ZNF487: variants seen among roughly 807,000 people sequenced by gnomAD.
ZNF487 encodes zinc finger protein 487, also known as KRAB domain only 1.
A neutral mutation model predicts 3.0 loss-of-function variants in ZNF487; 4 were observed. That is an observed-to-expected ratio of 1.35 (90% confidence interval 0.66 to 3.08). The LOEUF (loss-of-function observed/expected upper bound fraction) is 3.08, where lower values mean the gene tolerates loss of function less well. Among genes scored for constraint, ZNF487 ranks in the 30% most tolerant of loss-of-function variants. The pLI is 0.01. For synonymous variants in ZNF487, 55 were observed against 34.6 expected, an observed-to-expected ratio of 1.59 and a Z score of -2.06; for missense variants, 146 against 98.7, an observed-to-expected ratio of 1.48 and a Z score of -2.03.
At chr10:43,459,768 T>TTTATTATTATTATTATTA in intron 1 of ZNF487, among the ~76,000 whole-genome samples, 1 of 138,328 alleles carries the variant, frequency 7.2e-6, no homozygotes, top group South Asian at 2.4e-4. Flanking sequence ...AGGCTGTGAG[T>TTTATTATTATTATTATTA]TTATTATTAT....
the ZNF487 span, among the ~76,000 whole-genome samples, chr10:43,501,438 A>T: frequency 1.3e-5 from 2 of 152,006 alleles, no homozygotes; most frequent in African/African-American, 4.8e-5. Context: ...TTTTTCCTTT[A>T]CAAACTTTTA....
the ZNF487 span, among the ~76,000 whole-genome samples, chr10:43,521,935 G>A: frequency 6.6e-6 from 1 of 151,930 alleles, no homozygotes. Context: ...AGTTGTGTGA[G>A]GTACAAGACT....
At chr10:43,518,717 G>A in the ZNF487 span, among the ~76,000 whole-genome samples, 1 of 152,070 alleles carries the variant, frequency 6.6e-6, no homozygotes, top group African/African-American at 2.4e-5. Context: ...GATTCCCAGG[G>A]CTCTTCTATG....
chr10:43,495,203 CTTT>C, the ZNF487 span, among the ~76,000 whole-genome samples: 23 of 121,466 alleles, frequency 1.9e-4, no homozygotes, highest in African/African-American at 4.5e-4. Context: ...TGTCCCCAGG[CTTT>C]TTTTTTTTTT....
chr10:43,460,725 C>T (rs1390069056), intron 1 of ZNF487, among the ~76,000 whole-genome samples: 4 of 150,866 alleles, frequency 2.7e-5, no homozygotes, highest in Non-Finnish European at 5.9e-5. Context: ...AAGAGTCTCA[C>T]TCTAATGCCT....
chr10:43,459,149 T>C (rs373036665), intron 1 of ZNF487, among the ~76,000 whole-genome samples: 22 of 152,286 alleles, frequency 1.4e-4, no homozygotes, highest in East Asian at 1.4e-3. Context: ...AATTATTTCT[T>C]TTCTGTCTTG....
At chr10:43,513,903 C>T in the ZNF487 span, among the ~76,000 whole-genome samples, 1 of 152,090 alleles carries the variant, frequency 6.6e-6, no homozygotes, top group Non-Finnish European at 1.5e-5. Context: ...TCCAGCAGTC[C>T]CCGAAATGTC....
At chr10:43,487,036 T>G (rs1208193849), downstream of ZNF487, among the ~76,000 whole-genome samples, 1 of 152,164 alleles carries the variant, frequency 6.6e-6, no homozygotes, top group Non-Finnish European at 1.5e-5. Context: ...AAAATAAAAC[T>G]GAAGTAAAAA....
the ZNF487 span, among the ~76,000 whole-genome samples, chr10:43,502,525 A>T: frequency 2.6e-5 from 4 of 152,250 alleles, no homozygotes; most frequent in Admixed American, 6.5e-5. Context: ...AGTATAATAA[A>T]AAAAAAAGAA....
intron 1 of ZNF487, 58 bp from the exon 2 acceptor site, chr10:43,475,663 A>G: frequency 1.3e-6 from 1 of 755,712 alleles, no homozygotes; most frequent in South Asian, 1.4e-5. Context: ...GATCTCACAC[A>G]TGTTGTATGC....
intron 1 of ZNF487, among the ~76,000 whole-genome samples, chr10:43,474,177 G>A (rs1033780800): frequency 1.3e-5 from 2 of 150,984 alleles, no homozygotes; most frequent in Non-Finnish European, 3.0e-5. Context: ...AAAAAAGCAG[G>A]GGCTGGGTGC....
At chr10:43,457,133 C>G (rs1270860884) in intron 1 of ZNF487, among the ~76,000 whole-genome samples, 1 of 152,156 alleles carries the variant, frequency 6.6e-6, no homozygotes, top group Non-Finnish European at 1.5e-5. Context: ...CATTCATTAG[C>G]TACTCCAGAG....
At chr10:43,494,592 C>G in the ZNF487 span, among the ~76,000 whole-genome samples, 1 of 146,964 alleles carries the variant, frequency 6.8e-6, no homozygotes, top group African/African-American at 2.5e-5. Flanking sequence ...CTCCCTGTTA[C>G]CCACAGCTGT....
Position 43,437,463 on chromosome 10 carries a change from C to T in ZNF487, c.-94+201C>T, listed in dbSNP as rs1839430165. 2.0e-5 allele frequency among the ~76,000 whole-genome samples: 3 copies of T among 152,214 alleles called. No individual in the cohort carries two copies. The South Asian group carries it at 6.2e-4, about 32-fold the overall frequency. ...CCACCCTAGAGAAGCGAGACAAGGG[C>T]AACCAGAAGGAACCGAGTCTGAGGA... On this transcript the variant is annotated intron_variant, in intron 1 of 3. Transcript: ENST00000437590.
At chr10:43,507,349 G>A in the ZNF487 span, among the ~76,000 whole-genome samples, 7,043 of 152,266 alleles carry the variant, frequency 0.046, 511 homozygotes, top group African/African-American at 0.16. Flanking sequence ...AAGGAAGAAA[G>A]AAGACCACTA....
chr10:43,480,080 CCTTCTTTCTTTTCT>C (rs1841291311), intron 3 of ZNF487, among the ~76,000 whole-genome samples: 1 of 137,652 alleles, frequency 7.3e-6, no homozygotes, highest in African/African-American at 2.9e-5. Context: ...TTCCTTCCTT[CCTTCTTTCTTTTCT>C]TTTCTTTTCT....
At chr10:43,462,361 T>C (rs188846265) in intron 1 of ZNF487, among the ~76,000 whole-genome samples, 8 of 152,286 alleles carry the variant, frequency 5.3e-5, no homozygotes, top group Admixed American at 3.9e-4. Context: ...TTTAATGTAC[T>C]TTGCAGATAT....
the ZNF487 span, among the ~76,000 whole-genome samples, chr10:43,491,103 A>G: frequency 6.7e-6 from 1 of 148,854 alleles, no homozygotes; most frequent in Non-Finnish European, 1.5e-5. Context: ...AGTAGCTGGG[A>G]CTACAGACAT....
intron 1 of ZNF487, among the ~76,000 whole-genome samples, chr10:43,449,966 A>T (rs1487616907): frequency 2.0e-5 from 3 of 152,166 alleles, no homozygotes; most frequent in Non-Finnish European, 4.4e-5. Flanking sequence ...GGTGTGAGCC[A>T]CCATGCCAGG....
Sources: allele counts gnomAD v4.1 joint callset (sites outside exome capture counted in the v4.1 genomes callset), GRCh38; gene constraint gnomAD v4.1.1; transcripts MANE v1.5; gene names NCBI Gene and HGNC (gene_info 2026-07-23, HGNC 2026-07-21).